PLXNA4: variants seen among roughly 807,000 people sequenced by gnomAD.
The protein encoded by PLXNA4 is plexin-A4.
Under a neutral mutation model 191.8 loss-of-function variants are expected in PLXNA4, and 44 were observed. The ratio of observed to expected loss-of-function variants is 0.23; its 90% CI spans 0.18 to 0.29. The LOEUF (loss-of-function observed/expected upper bound fraction) is 0.29. PLXNA4 is among the 10% of genes least tolerant of loss of function. The pLI is 1.00. For missense variants in PLXNA4, 1,800 were observed against 2,488.8 expected (o/e 0.72, Z 5.89); for synonymous variants, 1,082 against 1,009.5 (o/e 1.07, Z -1.36).
In PLXNA4 at chr7:132,528,831, C is replaced by G. The variant is rs1003719321; in HGVS notation, c.-86-20052G>C. On this transcript the variant is annotated intron_variant, in intron 1 of 31. Coordinates refer to ENST00000321063, the MANE Select transcript of PLXNA4 (RefSeq NM_020911.2). ...AGTTTTAGAGCCGCCCAACTTGGGT[C>G]TTCTTGTGTGAGGCCACCATTCACT... 2.0e-5 allele frequency among the ~76,000 whole-genome samples: 3 copies of G among 152,304 alleles called. No individual in the cohort carries two copies. In the East Asian group the frequency reaches 5.8e-4, roughly 29 times the overall value.
intron 10 of PLXNA4, among the ~76,000 whole-genome samples, chr7:132,208,644 T>G (rs1797702640): frequency 6.6e-6 from 1 of 152,170 alleles, no homozygotes. Flanking sequence ...ATGACCACTG[T>G]GTCCTGGGAC....
intron 3 of PLXNA4, among the ~76,000 whole-genome samples, chr7:132,470,313 G>T (rs1397193330): frequency 1.3e-5 from 2 of 152,182 alleles, no homozygotes; most frequent in Non-Finnish European, 2.9e-5. Context: ...GACCTGAAGT[G>T]CTCTAGTTGG....
intron 2 of PLXNA4, among the ~76,000 whole-genome samples, chr7:132,598,091 C>T (rs1045669574): frequency 7.9e-5 from 12 of 152,146 alleles, no homozygotes; most frequent in African/African-American, 2.2e-4. Context: ...AGAATGTCTA[C>T]GACAAAATAT....
chr7:132,600,627 C>G lies in PLXNA4; in HGVS notation c.-87+45301G>C, dbSNP rs370038100. ...GGATCCCTGGATCCCCTGGCCTCAG[C>G]CTCCCAAAGTGCTGGGATTACAGGC... On this transcript the variant is annotated intron_variant, in intron 2 of 4. Coordinates refer to the PLXNA4 transcript ENST00000378539. 1.2e-4 allele frequency among the ~76,000 whole-genome samples: 18 copies of G among 152,334 alleles called. 1 individual carries two copies. In the East Asian group the frequency reaches 3.1e-3, roughly 26 times the overall value.
At chr7:132,606,264 G>A (rs937336539) in intron 2 of PLXNA4, among the ~76,000 whole-genome samples, 3 of 152,220 alleles carry the variant, frequency 2.0e-5, no homozygotes, top group Non-Finnish European at 4.4e-5. Flanking sequence ...GCATGGCCCT[G>A]CAGTCACCTT....
intron 29 of PLXNA4, among the ~76,000 whole-genome samples, chr7:132,141,417 G>T (rs1027020603): frequency 1.3e-5 from 2 of 152,168 alleles, no homozygotes; most frequent in African/African-American, 2.4e-5. Flanking sequence ...GGGCCCCATC[G>T]TATTCCCTCC....
At chr7:132,307,782 G>A (rs532728715) in intron 3 of PLXNA4, among the ~76,000 whole-genome samples, 1 of 132,980 alleles carries the variant, frequency 7.5e-6, no homozygotes, top group Non-Finnish European at 1.6e-5. Flanking sequence ...CCCCAGAATA[G>A]CTCCATGAGG....
intron 3 of PLXNA4, among the ~76,000 whole-genome samples, chr7:132,474,539 G>C (rs1797053631): frequency 6.6e-6 from 1 of 151,982 alleles, no homozygotes; most frequent in African/African-American, 2.4e-5. Context: ...TCAGTGAGTA[G>C]CCAAGGGTGG....
intron 20 of PLXNA4, among the ~76,000 whole-genome samples, chr7:132,178,620 C>A (rs1420525054): frequency 6.6e-6 from 1 of 152,192 alleles, no homozygotes; most frequent in Admixed American, 6.5e-5. Flanking sequence ...GAGTGAGAGG[C>A]TTTGCAGGTA....
chr7:132,555,723 G>T (rs1690545208), intron 1 of PLXNA4, among the ~76,000 whole-genome samples: 1 of 152,182 alleles, frequency 6.6e-6, no homozygotes, highest in African/African-American at 2.4e-5. Context: ...ACTTTAAAAT[G>T]CATCAGCTTA....
chr7:132,629,975 G>A (rs1014648673), intron 2 of PLXNA4, among the ~76,000 whole-genome samples: 1 of 151,628 alleles, frequency 6.6e-6, no homozygotes, highest in Non-Finnish European at 1.5e-5. Context: ...TCAGCCTCCC[G>A]AGTAGCTGGG....
chr7:132,462,533 T>C (rs1185700209), intron 3 of PLXNA4, among the ~76,000 whole-genome samples: 1 of 152,078 alleles, frequency 6.6e-6, no homozygotes, highest in Non-Finnish European at 1.5e-5. Flanking sequence ...ACTCTCAACT[T>C]TGTCTGTATT....
chr7:132,612,679 A>G (rs939566077), intron 2 of PLXNA4, among the ~76,000 whole-genome samples: 1 of 151,362 alleles, frequency 6.6e-6, no homozygotes, highest in Non-Finnish European at 1.5e-5. Context: ...AAAAAAAAAA[A>G]AAAAAGTCCT....
chr7:132,374,185 A>G (rs1002216310), intron 3 of PLXNA4, among the ~76,000 whole-genome samples: 1 of 152,216 alleles, frequency 6.6e-6, no homozygotes, highest in Non-Finnish European at 1.5e-5. Flanking sequence ...GGAGTAAGTG[A>G]TGAGTCACAA....
Position 132,353,362 on chromosome 7 carries a change from A to G in PLXNA4, c.1372-55140T>C, listed in dbSNP as rs76308998. Among the ~76,000 whole-genome samples, 847 of 152,238 alleles carry G rather than the reference A, an allele frequency of 5.6e-3. 7 individuals are homozygous for G. Among genetic ancestry groups the G allele is most frequent in the African/African-American group, 0.02 (825 of 41,530 alleles). On this transcript the variant is annotated intron_variant, in intron 3 of 31. Transcript: ENST00000321063. ...ACATCTGAGGACTAATTGTTATGGT[A>G]TAAACTTAGCATCAGTGCAATGCCA...
intron 3 of PLXNA4, among the ~76,000 whole-genome samples, chr7:132,408,686 G>A (rs1344844640): frequency 1.3e-5 from 2 of 152,000 alleles, no homozygotes; most frequent in African/African-American, 2.4e-5. Context: ...GGCTGGTCTC[G>A]AACTCCTGAC....
chr7:132,173,930 G>T (rs980168864), intron 21 of PLXNA4, among the ~76,000 whole-genome samples: 2 of 152,126 alleles, frequency 1.3e-5, no homozygotes, highest in Admixed American at 6.5e-5. Flanking sequence ...TCCTTTGGCC[G>T]CCACCAGCTG....
chr7:132,619,514 G>A (rs1803219920), intron 2 of PLXNA4, among the ~76,000 whole-genome samples: 1 of 152,196 alleles, frequency 6.6e-6, no homozygotes, highest in Non-Finnish European at 1.5e-5. Context: ...AACATCTATG[G>A]AAGAAAAACT....
intron 14 of PLXNA4, among the ~76,000 whole-genome samples, chr7:132,190,278 C>T (rs1797045129): frequency 6.6e-6 from 1 of 152,212 alleles, no homozygotes; most frequent in African/African-American, 2.4e-5. Context: ...CAATCACACC[C>T]CTCTCCAGGG....
Sources: gnomAD v4.1 joint callset for allele counts (sites outside exome capture counted in the v4.1 genomes callset) on GRCh38, gnomAD v4.1.1 for gene constraint, MANE v1.5 for transcripts, NCBI Gene and HGNC (gene_info 2026-07-23, HGNC 2026-07-21) for gene names.